The following CSNK2A1 variants were observed in gnomAD, a reference collection of about 807,000 sequenced individuals.
CSNK2A1 encodes the protein casein kinase 2 alpha 1.
A neutral mutation model predicts 62.9 loss-of-function variants in CSNK2A1; 10 were observed. The observed-to-expected ratio is 0.16, with a 90% CI of 0.10 to 0.27. The LOEUF (loss-of-function observed/expected upper bound fraction) is 0.27, where lower values mean the gene tolerates loss of function less well. Ranked by LOEUF, CSNK2A1 falls within the 10% of genes least tolerant of loss-of-function variation. The pLI, the probability that CSNK2A1 is intolerant of heterozygous loss-of-function variation, is 1.00. For synonymous variants in CSNK2A1, 124 were observed against 167.8 expected (o/e 0.74, Z 2.02); for missense variants, 160 against 492.0 (o/e 0.33, Z 6.38).
chr20:513,509 AT>A (rs903030424), intron 2 of CSNK2A1, among the ~76,000 whole-genome samples: 3 of 152,270 alleles, frequency 2.0e-5, no homozygotes, highest in African/African-American at 7.2e-5. Flanking sequence ...AAATACAAAA[AT>A]TATAGTAGCC....
chr20:500,105 T>C, intron 4 of CSNK2A1, 171 bp from the exon 5 acceptor site: 2 of 579,640 alleles, frequency 3.5e-6, no homozygotes, highest in Non-Finnish European at 6.1e-6. Flanking sequence ...GTGCCAGGTA[T>C]TCTGCAGGTA....
chr20:538,808 T>C (rs1036622075), intron 1 of CSNK2A1, among the ~76,000 whole-genome samples: 1 of 152,200 alleles, frequency 6.6e-6, no homozygotes, highest in Admixed American at 6.5e-5. Flanking sequence ...AAGGCTGTCA[T>C]AGAAACCCAT....
At chr20:495,187 G>C (rs1332954633) in intron 8 of CSNK2A1, 1 of 153,398 alleles carries the variant, frequency 6.5e-6, no homozygotes, top group Non-Finnish European at 1.5e-5. Context: ...CAACAGGCAA[G>C]TCATCACAGC....
chr20:490,344 T>C (rs2018197704), intron 9 of CSNK2A1, among the ~76,000 whole-genome samples: 1 of 137,098 alleles, frequency 7.3e-6, no homozygotes, highest in African/African-American at 3.2e-5. Flanking sequence ...TCTTTTTTTT[T>C]TTTTTTTAGT....
rs562369547 is a variant in CSNK2A1, at chr20:499,120, A to G, written c.366+135T>C. Reference sequence around the variant, plus strand: ...GCACTGCTTATATAGGAGTTCTTCTATCTTAAAATTTGCACTGTAAGGATG... The same window carrying G: ...GCACTGCTTATATAGGAGTTCTTCTGTCTTAAAATTTGCACTGTAAGGATG... On this transcript the variant is annotated intron_variant, in intron 6 of 13. Coordinates refer to ENST00000217244, the MANE Select transcript of CSNK2A1 (RefSeq NM_177559.3). This position sits in a 1 kb window ranked among gnomAD's most constrained non-coding sequence, Gnocchi z 4.2. The G allele has an allele frequency of 3.2e-5, 20 of 620,430 alleles. No homozygotes were observed. The African/African-American group carries it at 3.4e-4, about 11-fold the overall frequency. The allele number at this position is 620,430 out of a possible 1,614,324, so 38.4% of individuals were successfully genotyped here. A position where few individuals can be genotyped will look rare whatever the true frequency, so the allele number is the denominator to read the frequency against.
rs996633274 is a variant in CSNK2A1 at position 543,755 on chromosome 20, G to A, written c.-310C>T. On this transcript the variant is annotated 5_prime_UTR_variant, in exon 1 of 14. Coordinates refer to ENST00000217244, the MANE Select transcript of CSNK2A1 (RefSeq NM_177559.3). The stretch of plus-strand genomic sequence containing the variant: ...GGCGGCGATGGAGGAGGAGACACAC[G>A]GCTCGGCCGCCAGCCGCAGGGACCA... The A allele has an allele frequency of 1.5e-5, 6 of 398,302 alleles. No individual in the cohort carries two copies. Among genetic ancestry groups the A allele is most frequent in the Admixed American group, 1.3e-4 (3 of 22,720 alleles). 24.7% of individuals were successfully genotyped at this position (398,302 alleles called of 1,614,324 possible). A position where few individuals can be genotyped will look rare whatever the true frequency, so the allele number is the denominator to read the frequency against.
In CSNK2A1 at chr20:478,765, CAAAAAA is replaced by C. The variant is rs750062577; in HGVS notation, c.*5190_*5195del. On this transcript the variant is annotated 3_prime_UTR_variant, in exon 14 of 14. Transcript: ENST00000217244. ...CAACACGGCAAAACTTCATCTCTAC[CAAAAAA>C]AAAAAAAAAAAAATTAGCCAAGCAT... The C allele has an allele frequency of 1.6e-4, 28 of 175,792 alleles. No individual in the cohort carries two copies. The highest frequency in any genetic ancestry group is 2.3e-4 in the South Asian group (5 of 21,544). The allele number at this position is 175,792 out of a possible 1,614,324, so 10.9% of individuals were successfully genotyped here.
Position 475,760 on chromosome 20 carries a change from G to T in CSNK2A1, c.*8201C>A, listed in dbSNP as rs573226423. ...GGTGCTTGTGACACAGCAGAGGCTT[G>T]AAATGTGCTTGTGTGATTCCATTTG... On this transcript the variant is annotated 3_prime_UTR_variant, in exon 14 of 14. Coordinates refer to ENST00000217244, the MANE Select transcript of CSNK2A1 (RefSeq NM_177559.3). 6.6e-6 allele frequency: 1 copy of T among 152,324 alleles called. No individual in the cohort carries two copies. The highest frequency in any genetic ancestry group is 2.4e-5 in the African/African-American group (1 of 41,556). The allele number at this position is 152,324 out of a possible 1,614,324, so 9.4% of individuals were successfully genotyped here.
intron 4 of CSNK2A1, 29 bp downstream of exon 4, chr20:505,089 A>G: frequency 1.3e-6 from 2 of 1,559,816 alleles, no homozygotes; most frequent in Non-Finnish European, 1.7e-6. Flanking sequence ...TATATTCCAA[A>G]TACCTCTGAA....
At chr20:484,203 T>A in intron 13 of CSNK2A1, 127 bp from the exon 14 acceptor site, 2 of 725,378 alleles carry the variant, frequency 2.8e-6, no homozygotes, top group Non-Finnish European at 4.2e-6. Flanking sequence ...GCTGGATTTT[T>A]ACATATACTT....
chr20:511,446 A>C (rs1455150753), intron 2 of CSNK2A1, among the ~76,000 whole-genome samples: 1 of 152,102 alleles, frequency 6.6e-6, no homozygotes. Flanking sequence ...CATTTCTACA[A>C]ATTTTTACCA....
chr20:537,437 T>C (rs2019358356), intron 1 of CSNK2A1, among the ~76,000 whole-genome samples: 1 of 152,140 alleles, frequency 6.6e-6, no homozygotes, highest in Non-Finnish European at 1.5e-5. Context: ...TATCTTGTGA[T>C]ACTGTGAATG....
chr20:508,131 A>G (rs1314575786), intron 3 of CSNK2A1: 2 of 202,838 alleles, frequency 9.9e-6, no homozygotes, highest in East Asian at 1.2e-4. Context: ...TTATAATCTT[A>G]TGGAACCACT....
intron 2 of CSNK2A1, among the ~76,000 whole-genome samples, chr20:516,924 G>C (rs574835872): frequency 1.3e-5 from 2 of 152,164 alleles, no homozygotes; most frequent in Admixed American, 1.3e-4. Context: ...TCATCATCCC[G>C]ACAGGACAAA....
rs141962928 is a variant in CSNK2A1 at position 525,001 on chromosome 20, C to G, written c.-110+2932G>C. Among the ~76,000 whole-genome samples, 424 of 152,022 alleles carry G rather than the reference C, an allele frequency of 2.8e-3. 3 individuals are homozygous for G. Among genetic ancestry groups the G allele is most frequent in the African/African-American group, 9.1e-3 (378 of 41,444 alleles). On this transcript the variant is annotated intron_variant, in intron 2 of 13. Coordinates refer to ENST00000217244, the MANE Select transcript of CSNK2A1 (RefSeq NM_177559.3). ...TATGGTGCATGCACCTGTGTCCTAG[C>G]TACTCAGAAGGCTGAAGTGATCATG...
At chr20:511,575 A>G (rs142502528) in intron 2 of CSNK2A1, among the ~76,000 whole-genome samples, 6 of 152,308 alleles carry the variant, frequency 3.9e-5, no homozygotes, top group Middle Eastern at 3.4e-3. Flanking sequence ...AAGTGGAATC[A>G]GACAATATTT....
intron 2 of CSNK2A1, among the ~76,000 whole-genome samples, chr20:519,188 T>G (rs898328863): frequency 6.6e-6 from 1 of 152,194 alleles, no homozygotes; most frequent in African/African-American, 2.4e-5. Context: ...CCCGCCCATC[T>G]TGGCCTCCCA....
At chr20:511,073 TG>T (rs1303555740) in intron 2 of CSNK2A1, among the ~76,000 whole-genome samples, 2 of 152,080 alleles carry the variant, frequency 1.3e-5, no homozygotes, top group Non-Finnish European at 2.9e-5. Context: ...ATAAACTTTA[TG>T]GCCAGGCACA....
intron 1 of CSNK2A1, among the ~76,000 whole-genome samples, chr20:530,202 T>C (rs1378372545): frequency 6.6e-6 from 1 of 152,206 alleles, no homozygotes; most frequent in Non-Finnish European, 1.5e-5. Flanking sequence ...CTGCTTTCTG[T>C]CTTCATGTAT....
Sources: allele counts gnomAD v4.1 joint callset (sites outside exome capture counted in the v4.1 genomes callset), GRCh38; gene constraint gnomAD v4.1.1; non-coding constraint Gnocchi (gnomAD v3.1); transcripts MANE v1.5; gene names NCBI Gene and HGNC (gene_info 2026-07-23, HGNC 2026-07-21).